The following FUS variants were observed in gnomAD, a reference collection of about 807,000 sequenced individuals.
FUS encodes the protein RNA-binding protein FUS.
Under a neutral mutation model 82.7 loss-of-function variants are expected in FUS, and 5 were observed. The ratio of observed to expected loss-of-function variants is 0.06; its 90% CI spans 0.03 to 0.13. The LOEUF (loss-of-function observed/expected upper bound fraction) is 0.13. Among genes scored for constraint, FUS ranks in the 10% least tolerant of loss-of-function variants. The pLI is 1.00. For missense variants in FUS, 512 were observed against 707.8 expected, an observed-to-expected ratio of 0.72 and a Z score of 3.14; for synonymous variants, 281 against 247.4, an observed-to-expected ratio of 1.14 and a Z score of -1.27.
At chr16:31,190,636 G>A in intron 12 of FUS, 106 bp from the exon 13 acceptor site, 2 of 1,257,848 alleles carry the variant, frequency 1.6e-6, no homozygotes, top group Non-Finnish European at 2.3e-6. Flanking sequence ...TCTTTCTGAA[G>A]CTTCAGTTTC....
chr16:31,183,862 C>T lies in FUS; in HGVS notation c.195C>T (p.Gly65=), dbSNP rs1396374632. The T allele has an allele frequency of 8.1e-6, 13 of 1,614,154 alleles. No individual in the cohort carries two copies. In the East Asian group the frequency reaches 2.7e-4, roughly 33 times the overall value. ...YSSYGQSQNT[G]YGTQSTPQGY... is the part of the protein sequence containing the mutation. ...CCCTTTTTCTTATCCTGGTAGCAGGCTATGGAACTCAGTCAACTCCCCAGG... is the reference window on the plus strand; with the variant it reads ...CCCTTTTTCTTATCCTGGTAGCAGGTTATGGAACTCAGTCAACTCCCCAGG... Residue 65 remains glycine, a synonymous_variant, in exon 4 of 15, where the codon GGC becomes GGT. Coordinates refer to ENST00000254108, the MANE Select transcript of FUS (RefSeq NM_004960.4).
intron 5 of FUS, among the ~76,000 whole-genome samples, chr16:31,184,646 T>C (rs2079235265): frequency 1.3e-5 from 2 of 152,080 alleles, no homozygotes; most frequent in Non-Finnish European, 2.9e-5. Flanking sequence ...GGTTTCACCA[T>C]GTTAGCCAGG....
At chr16:31,186,710 C>A in intron 6 of FUS, 92 bp from the exon 7 acceptor site, 1 of 1,217,886 alleles carries the variant, frequency 8.2e-7, no homozygotes, top group Admixed American at 1.7e-5. Context: ...AAAACACCTA[C>A]CCATGTTTGG....
chr16:31,182,763 C>A, intron 3 of FUS, 99 bp downstream of exon 3: 1 of 1,476,846 alleles, frequency 6.8e-7, no homozygotes, highest in Non-Finnish European at 9.4e-7. Context: ...GTTGCCCAGG[C>A]TGGAGTGCAG....
intron 7 of FUS, 21 bp from the exon 8 acceptor site, chr16:31,188,303 CT>C: frequency 6.4e-7 from 1 of 1,566,298 alleles, no homozygotes; most frequent in South Asian, 1.2e-5. Flanking sequence ...TTTTTTTGTT[CT>C]TTTTTTCCAT....
chr16:31,189,486 C>G (rs2079320108), intron 9 of FUS, among the ~76,000 whole-genome samples, 179 bp from the exon 10 acceptor site: 1 of 152,042 alleles, frequency 6.6e-6, no homozygotes, highest in South Asian at 2.1e-4. Context: ...TTTTATCTTT[C>G]AATATTGGAG....
At chr16:31,184,850 C>T (rs2079238980) in intron 5 of FUS, 89 bp from the exon 6 acceptor site, 2 of 1,336,778 alleles carry the variant, frequency 1.5e-6, no homozygotes, top group South Asian at 1.2e-5. Flanking sequence ...CCTTCATTGC[C>T]TGGCACTTGT....
chr16:31,185,745 C>A (rs966678538), intron 6 of FUS: 1 of 334,070 alleles, frequency 3.0e-6, no homozygotes, highest in Non-Finnish European at 6.1e-6. Flanking sequence ...GTAAGCAGAC[C>A]TTTTGGGCAA....
chr16:31,188,356 C>T lies in FUS; in HGVS notation c.831C>T (p.Ser277=), dbSNP rs138746304. 16 of 1,613,442 alleles carry T rather than the reference C, an allele frequency of 9.9e-6. No homozygotes were observed. Among genetic ancestry groups the T allele is most frequent in the Middle Eastern group, 1.6e-4 (1 of 6,084 alleles). ...GGGACCAAGGATCACGTCATGACTC[C>T]GGTGAGTTCACACGTGGTGGCATGA... ...GPRDQGSRHD[S]EQDNSDNNTI... The change falls in exon 8 of 15, where the codon TCC becomes TCT. Residue 277 remains serine, a splice_region_variant and synonymous_variant. Coordinates refer to ENST00000254108, the MANE Select transcript of FUS (RefSeq NM_004960.4).
At chr16:31,183,791 T>A (rs2079216498) in intron 3 of FUS, 67 bp from the exon 4 acceptor site, 3 of 1,596,490 alleles carry the variant, frequency 1.9e-6, no homozygotes, top group Non-Finnish European at 2.6e-6. Context: ...TATGTTTTCT[T>A]TAACCCATTC....
downstream of FUS, chr16:31,192,708 C>CT (rs1385064151): frequency 1.9e-5 from 9 of 481,720 alleles, no homozygotes; most frequent in Non-Finnish European, 3.7e-5. Context: ...GTAGCTGAGA[C>CT]TACAGGCGTG....
intron 6 of FUS, chr16:31,186,469 GT>G (rs2079271255): frequency 2.2e-6 from 1 of 452,332 alleles, no homozygotes; most frequent in Middle Eastern, 6.4e-4. Context: ...CAACTACTTG[GT>G]TGTCAACCAC....
chr16:31,184,102 G>C (rs942888241), intron 4 of FUS, 100 bp downstream of exon 4: 118 of 1,612,232 alleles, frequency 7.3e-5, no homozygotes, highest in Admixed American at 4.5e-4. Flanking sequence ...GGTGTAATTG[G>C]GGTAGGGGAG....
intron 5 of FUS, among the ~76,000 whole-genome samples, chr16:31,184,604 C>T (rs542703501): frequency 4.6e-4 from 70 of 152,098 alleles, no homozygotes; most frequent in Non-Finnish European, 8.5e-4. Flanking sequence ...CCACCACGCC[C>T]GGCTAATTTT....
chr16:31,189,554 A>T, intron 9 of FUS, 111 bp from the exon 10 acceptor site: 1 of 1,443,596 alleles, frequency 6.9e-7, no homozygotes, highest in African/African-American at 1.4e-5. Context: ...AGTAACTGGG[A>T]AGAGGGGAGC....
intron 6 of FUS, 98 bp downstream of exon 6, chr16:31,185,277 T>G: frequency 7.2e-7 from 1 of 1,384,018 alleles, no homozygotes; most frequent in Non-Finnish European, 9.7e-7. Flanking sequence ...TTTAGTATTC[T>G]TGTTGTCTAG....
At chr16:31,182,718 C>T (rs1215275394) in intron 3 of FUS, 54 bp downstream of exon 3, 3 of 1,611,040 alleles carry the variant, frequency 1.9e-6, no homozygotes, top group East Asian at 4.5e-5. Flanking sequence ...TATTGCTTTT[C>T]TTTTTCTTGT....
chr16:31,188,025 C>G (rs1026579972), intron 7 of FUS: 7 of 491,576 alleles, frequency 1.4e-5, no homozygotes, highest in Non-Finnish European at 1.1e-5. Flanking sequence ...TCCGTTTCCC[C>G]TGCCACCTGT....
chr16:31,181,893 C>T (rs1055531305), intron 1 of FUS, among the ~76,000 whole-genome samples: 2 of 152,162 alleles, frequency 1.3e-5, no homozygotes, highest in African/African-American at 2.4e-5. Flanking sequence ...CTTGCATTTT[C>T]TTCACTTTTT....
Sources: gnomAD v4.1 joint callset for allele counts (sites outside exome capture counted in the v4.1 genomes callset) on GRCh38, gnomAD v4.1.1 for gene constraint, MANE v1.5 for transcripts, NCBI Gene and HGNC (gene_info 2026-07-23, HGNC 2026-07-21) for gene names.